Variants in CCDC7 observed in about 807,000 individuals in gnomAD.
The protein encoded by CCDC7 is coiled-coil domain-containing protein 7.
A neutral mutation model predicts 196.9 loss-of-function variants in CCDC7; 183 were observed. That is an observed-to-expected ratio of 0.93 (90% CI 0.82 to 1.05). The LOEUF is 1.05. Among genes scored for constraint, CCDC7 ranks in the 50% least tolerant of loss-of-function variants. The probability of loss-of-function intolerance (pLI) is 0.00; values close to 1 mark genes in which losing one functional copy is unlikely to be tolerated. For synonymous variants in CCDC7, 525 were observed against 484.6 expected (o/e 1.08, Z -1.10); for missense variants, 1,540 against 1,482.2 (o/e 1.04, Z -0.64).
intron 3 of CCDC7, among the ~76,000 whole-genome samples, chr10:32,460,733 C>G (rs1254292887): frequency 3.3e-5 from 5 of 152,108 alleles, no homozygotes; most frequent in Non-Finnish European, 7.4e-5. Context: ...TAGATTTATG[C>G]TTTCTTATTT....
At chr10:32,678,259 T>A (rs1197594089) in intron 21 of CCDC7, among the ~76,000 whole-genome samples, 1 of 152,182 alleles carries the variant, frequency 6.6e-6, no homozygotes, top group African/African-American at 2.4e-5. Context: ...ATTTTGTTAT[T>A]TGAGTTATCA....
At chr10:32,736,017 A>G (rs1314291469) in intron 28 of CCDC7, among the ~76,000 whole-genome samples, 5 of 152,100 alleles carry the variant, frequency 3.3e-5, no homozygotes, top group East Asian at 1.9e-4. Context: ...CAATTGCTCT[A>G]TTTGTCTATT....
chr10:32,543,167 C>A, intron 11 of CCDC7, 133 bp from the exon 13 acceptor site: 1 of 909,316 alleles, frequency 1.1e-6, no homozygotes, highest in Non-Finnish European at 1.5e-6. Flanking sequence ...TGCTTCTATG[C>A]AGATAATTTT....
chr10:32,517,968 T>A lies in CCDC7; in HGVS notation c.896T>A (p.Leu299Ter). 6.3e-7 allele frequency: 1 copy of A among 1,589,152 alleles called. No individual in the cohort carries two copies. The highest frequency in any genetic ancestry group is 8.6e-7 in the Non-Finnish European group (1 of 1,169,396). The change falls in exon 10 of 42, where the codon TTA (leucine) becomes TAA (stop). Residue 299 changes from leucine (L) to a stop codon, truncating the protein, a stop_gained. Transcript: ENST00000639629. LOFTEE classifies it high-confidence loss of function. ...AGAGCTGTAAATGATCAAGTTTTGT[T>A]AGATGCTGTAAGTATAGTACTCTCA... is the stretch of plus-strand genomic sequence containing the variant.
At chr10:32,619,029 T>C (rs999081160) in intron 18 of CCDC7, among the ~76,000 whole-genome samples, 3 of 152,110 alleles carry the variant, frequency 2.0e-5, no homozygotes, top group African/African-American at 7.2e-5. Context: ...TAGTCTATAA[T>C]TGAAGCTTTT....
At chr10:32,692,446 C>T (rs188343477) in intron 23 of CCDC7, among the ~76,000 whole-genome samples, 132 of 152,316 alleles carry the variant, frequency 8.7e-4, no homozygotes, top group African/African-American at 3.1e-3. Context: ...ATGGTGTCTG[C>T]TGGCACTTTC....
At chr10:32,687,632 A>G (rs1282627623) in intron 22 of CCDC7, among the ~76,000 whole-genome samples, 1 of 152,210 alleles carries the variant, frequency 6.6e-6, no homozygotes, top group Non-Finnish European at 1.5e-5. Flanking sequence ...ACTAGTATTC[A>G]AATGATGTGA....
chr10:32,633,112 A>G (rs1590857234), intron 18 of CCDC7, among the ~76,000 whole-genome samples: 1 of 152,174 alleles, frequency 6.6e-6, no homozygotes, highest in East Asian at 1.9e-4. Context: ...AAGTTCACAC[A>G]TAGGATTTTA....
intron 21 of CCDC7, among the ~76,000 whole-genome samples, chr10:32,677,447 C>A (rs1275089023): frequency 6.6e-6 from 1 of 151,250 alleles, no homozygotes; most frequent in East Asian, 1.9e-4. Context: ...TTTTGTTTGT[C>A]TGGAAAAGTA....
At chr10:32,852,031 T>A in intron 40 of CCDC7, 99 bp downstream of exon 41, 1 of 1,250,946 alleles carries the variant, frequency 8.0e-7, no homozygotes, top group Non-Finnish European at 1.1e-6. Flanking sequence ...ATATAACAGT[T>A]TGGCAAAATA....
chr10:32,488,417 G>T (rs1044824489), intron 8 of CCDC7, among the ~76,000 whole-genome samples: 8 of 152,184 alleles, frequency 5.3e-5, no homozygotes, highest in African/African-American at 1.9e-4. Context: ...GGAATTCCCT[G>T]ATCCCTTGTG....
intron 28 of CCDC7, among the ~76,000 whole-genome samples, chr10:32,765,788 A>G (rs11009072): frequency 0.088 from 13,312 of 152,094 alleles, 869 homozygotes; most frequent in East Asian, 0.33. Context: ...AATTGTAGAT[A>G]CTGTACTAAA....
At chr10:32,794,717 T>C (rs2083270709) in intron 29 of CCDC7, among the ~76,000 whole-genome samples, 1 of 152,234 alleles carries the variant, frequency 6.6e-6, no homozygotes, top group African/African-American at 2.4e-5. Flanking sequence ...ATATATTTGT[T>C]GGTGCATGTA....
chr10:32,481,772 A>C (rs1348062732), intron 8 of CCDC7: 2 of 152,006 alleles, frequency 1.3e-5, no homozygotes, highest in African/African-American at 4.8e-5. Flanking sequence ...TTTGTAGACC[A>C]ACTTTTCTGG....
intron 9 of CCDC7, chr10:32,511,307 C>T: frequency 1.5e-6 from 2 of 1,347,912 alleles, no homozygotes; most frequent in South Asian, 1.3e-5. Flanking sequence ...TACACCAAAA[C>T]CAAAAAGTTA....
chr10:32,583,652 TG>T (rs910000789), intron 17 of CCDC7, among the ~76,000 whole-genome samples: 3 of 152,074 alleles, frequency 2.0e-5, no homozygotes, highest in African/African-American at 7.2e-5. Flanking sequence ...ATAAGATGAT[TG>T]TAAAAGCAAA....
intron 9 of CCDC7, chr10:32,511,864 A>AAAAAGCTATACATTG: frequency 1.6e-6 from 1 of 643,486 alleles, no homozygotes; most frequent in Non-Finnish European, 2.8e-6. Context: ...ACCAATGTAT[A>AAAAAGCTATACATTG]GCTTTTTATA....
chr10:32,567,292 C>A (rs2056969915), intron 14 of CCDC7, among the ~76,000 whole-genome samples: 1 of 151,280 alleles, frequency 6.6e-6, no homozygotes, highest in South Asian at 2.1e-4. Flanking sequence ...AAATTGTTTT[C>A]CACATTTTAT....
At chr10:32,482,760 G>C (rs1313795503) in intron 8 of CCDC7, among the ~76,000 whole-genome samples, 1 of 150,420 alleles carries the variant, frequency 6.6e-6, no homozygotes, top group Non-Finnish European at 1.5e-5. Flanking sequence ...TTGGTTTTTT[G>C]TCCTTGCGAT....
Sources: allele counts gnomAD v4.1 joint callset (sites outside exome capture counted in the v4.1 genomes callset), GRCh38; gene constraint gnomAD v4.1.1; transcripts MANE v1.5; gene names NCBI Gene and HGNC (gene_info 2026-07-23, HGNC 2026-07-21).